The following CD3E variants were observed in gnomAD, a reference collection of about 807,000 sequenced individuals.
The protein encoded by CD3E is T-cell surface glycoprotein CD3 epsilon chain.
Under a neutral mutation model 34.7 loss-of-function variants are expected in CD3E, and 16 were observed. The ratio of observed to expected loss-of-function variants is 0.46; its 90% confidence interval spans 0.31 to 0.70. The LOEUF is 0.70. Ranked by LOEUF, CD3E falls within the 30% of genes least tolerant of loss-of-function variation. The pLI is 0.05. For missense variants in CD3E, 223 were observed against 253.9 expected, an observed-to-expected ratio of 0.88 and a Z score of 0.83; for synonymous variants, 70 against 90.8, an observed-to-expected ratio of 0.77 and a Z score of 1.30.
Position 118,311,945 on chromosome 11 carries a change from T to C in CD3E, c.86-208T>C, listed in dbSNP as rs2277289. Among the ~76,000 whole-genome samples, 40,568 of 152,086 alleles carry C rather than the reference T, an allele frequency of 0.27. 6,318 individuals carry two copies. Among genetic ancestry groups the C allele is most frequent in the Admixed American group, 0.4 (6,104 of 15,272 alleles). On this transcript the variant is annotated intron_variant, in intron 4 of 8. Coordinates refer to ENST00000361763, the MANE Select transcript of CD3E (RefSeq NM_000733.4). Reference sequence around the variant, plus strand: ...CTGAATCCGATGTATCTGAGTTACATCTATGAGCTACTTAATAAATATATC... The same window carrying C: ...CTGAATCCGATGTATCTGAGTTACACCTATGAGCTACTTAATAAATATATC...
chr11:118,305,504 T>G (rs1416292771), intron 2 of CD3E, among the ~76,000 whole-genome samples: 1 of 152,206 alleles, frequency 6.6e-6, no homozygotes, highest in African/African-American at 2.4e-5. Flanking sequence ...GATTATGAAT[T>G]GATAAATAAC....
intron 6 of CD3E, chr11:118,313,140 T>C: frequency 2.0e-6 from 1 of 492,230 alleles, no homozygotes; most frequent in Non-Finnish European, 3.7e-6. Flanking sequence ...TTGCACCGCA[T>C]CACACCCAGG....
At chr11:118,308,370 C>G (rs1948118847) in intron 3 of CD3E, 57 bp from the exon 4 acceptor site, 28 of 1,385,700 alleles carry the variant, frequency 2.0e-5, no homozygotes, top group Non-Finnish European at 2.4e-5. Flanking sequence ...GGAGCAGGGT[C>G]TGATCTTCAT....
chr11:118,315,800 G>C lies in CD3E; in HGVS notation c.*258G>C. The C allele has an allele frequency of 1.7e-6, 1 of 590,972 alleles. No individual in the cohort carries two copies. 36.6% of individuals were successfully genotyped at this position (590,972 alleles called of 1,614,324 possible). A position where few individuals can be genotyped will look rare whatever the true frequency, so the allele number is the denominator to read the frequency against. ...ACCCTCACAGCTGGCCTGCCCTCTT[G>C]CCAGGATATTTATTTGTGCTATTCA... is the stretch of plus-strand genomic sequence containing the variant. On this transcript the variant is annotated 3_prime_UTR_variant, in exon 9 of 9. Coordinates refer to ENST00000361763, the MANE Select transcript of CD3E (RefSeq NM_000733.4).
intron 4 of CD3E, among the ~76,000 whole-genome samples, chr11:118,310,195 G>A (rs1948128351): frequency 6.6e-6 from 1 of 152,052 alleles, no homozygotes; most frequent in Non-Finnish European, 1.5e-5. Flanking sequence ...GTGCCATGGG[G>A]GTTTGTTGTA....
chr11:118,305,132 G>A, intron 2 of CD3E, 131 bp downstream of exon 2: 1 of 913,152 alleles, frequency 1.1e-6, no homozygotes, highest in East Asian at 2.4e-5. Flanking sequence ...TGCTATGTTA[G>A]GGTGAGGGAT....
intron 4 of CD3E, among the ~76,000 whole-genome samples, chr11:118,311,789 A>G (rs1223365997): frequency 1.3e-5 from 2 of 152,224 alleles, no homozygotes; most frequent in African/African-American, 2.4e-5. Context: ...TGTCATTCAT[A>G]TCTATCTGTA....
At position 118,315,628 on chromosome 11, in the gene CD3E, C is replaced by A. The variant is rs1948162351; in HGVS notation, c.*86C>A. The stretch of plus-strand genomic sequence containing the variant: ...CCTGTTTCCTGGGCTAGTCTTGGAC[C>A]CCACGAGAGAGAATCGTTCCTCAGC... On this transcript the variant is annotated 3_prime_UTR_variant, in exon 9 of 9. Transcript: ENST00000361763. 1.7e-6 allele frequency: 2 copies of A among 1,167,704 alleles called. No individual in the cohort carries two copies. Among genetic ancestry groups the A allele is most frequent in the Non-Finnish European group, 2.5e-6 (2 of 798,848 alleles). The allele number at this position is 1,167,704 out of a possible 1,614,324, so 72.3% of individuals were successfully genotyped here. A position where few individuals can be genotyped will look rare whatever the true frequency, so the allele number is the denominator to read the frequency against.
chr11:118,307,137 C>A, intron 2 of CD3E, 151 bp from the exon 3 acceptor site: 2 of 653,172 alleles, frequency 3.1e-6, no homozygotes, highest in Non-Finnish European at 5.5e-6. Context: ...TTCCACTGTT[C>A]TAGGGTGTAG....
chr11:118,308,158 G>A (rs1198588613), intron 3 of CD3E, among the ~76,000 whole-genome samples: 1 of 152,154 alleles, frequency 6.6e-6, no homozygotes, highest in Non-Finnish European at 1.5e-5. Flanking sequence ...GACACATCGA[G>A]ACTGTCTCAA....
chr11:118,305,528 G>A (rs915460487), intron 2 of CD3E, among the ~76,000 whole-genome samples: 1 of 152,046 alleles, frequency 6.6e-6, no homozygotes. Context: ...GAGCATTTCT[G>A]TATCTCATAT....
At position 118,312,024 on chromosome 11, in the gene CD3E, T is replaced by C. The variant is rs1232427618; in HGVS notation, c.86-129T>C. 9 of 796,394 alleles carry C rather than the reference T, an allele frequency of 1.1e-5. No individual in the cohort carries two copies. In the East Asian group the frequency reaches 1.7e-4, roughly 15 times the overall value. 49.3% of individuals were successfully genotyped at this position (796,394 alleles called of 1,614,324 possible). On this transcript the variant is annotated intron_variant, in intron 4 of 8. Transcript: ENST00000361763. ...GAACCTCACCTCCAAGACTCGGGGT[T>C]CCTAAATGGATGAGACCCTCTTTGG...
At chr11:118,311,999 G>A in intron 4 of CD3E, 154 bp from the exon 5 acceptor site, 1 of 721,646 alleles carries the variant, frequency 1.4e-6, no homozygotes, top group Non-Finnish European at 2.5e-6. Context: ...GGCTAAGCAT[G>A]AACCTCACCT....
Position 118,312,652 on chromosome 11 carries a change from A to G in CD3E, c.138A>G (p.Ile46Met). ...TCTCCATCTCTGGAACCACAGTAAT[A>G]TTGACATGCCCTCAGTATCCTGGAT... Reference protein sequence around the residue: ...YKVSISGTTVILTCPQYPGSE... With the variant: ...YKVSISGTTVMLTCPQYPGSE... The change falls in exon 6 of 9, where the codon ATA becomes ATG. Residue 46 changes from isoleucine to methionine, a missense_variant. Physicochemically the swap from Ile to Met is conservative, Grantham distance 10. Coordinates refer to ENST00000361763, the MANE Select transcript of CD3E (RefSeq NM_000733.4). 1 of 1,614,132 alleles carries G rather than the reference A, an allele frequency of 6.2e-7. No homozygotes were observed. The highest frequency in any genetic ancestry group is 1.3e-5 in the African/African-American group (1 of 75,034).
At chr11:118,315,348 C>A in intron 8 of CD3E, 138 bp from the exon 9 acceptor site, 3 of 720,226 alleles carry the variant, frequency 4.2e-6, no homozygotes, top group Non-Finnish European at 4.9e-6. Flanking sequence ...ACCGTCCATG[C>A]CAAATTAGAA....
chr11:118,310,637 G>A (rs953221595), intron 4 of CD3E, among the ~76,000 whole-genome samples: 34 of 152,170 alleles, frequency 2.2e-4, no homozygotes, highest in African/African-American at 6.0e-4. Flanking sequence ...GTGTGAGCAT[G>A]AGTTAAGTCT....
At chr11:118,308,207 C>T (rs904225046) in intron 3 of CD3E, among the ~76,000 whole-genome samples, 1 of 152,104 alleles carries the variant, frequency 6.6e-6, no homozygotes, top group African/African-American at 2.4e-5. Context: ...GCCTAGATTC[C>T]GCCATGCTGC....
chr11:118,313,056 T>C (rs1366059256), intron 6 of CD3E, 190 bp downstream of exon 6: 7 of 699,416 alleles, frequency 1.0e-5, no homozygotes, highest in Non-Finnish European at 1.8e-5. Flanking sequence ...TAAACACCAA[T>C]ATGAGGCTTC....
At chr11:118,306,528 A>T (rs193281971) in intron 2 of CD3E, among the ~76,000 whole-genome samples, 25 of 148,474 alleles carry the variant, frequency 1.7e-4, no homozygotes, top group African/African-American at 5.3e-4. Flanking sequence ...AATAAATAAA[A>T]GAGACAGTAT....
Sources: allele counts gnomAD v4.1 joint callset (sites outside exome capture counted in the v4.1 genomes callset), GRCh38; gene constraint gnomAD v4.1.1; transcripts MANE v1.5; gene names NCBI Gene and HGNC (gene_info 2026-07-23, HGNC 2026-07-21).